CNTNAP2: variants seen among roughly 807,000 people sequenced by gnomAD.
The protein encoded by CNTNAP2 is contactin-associated protein-like 2.
Under a neutral mutation model 155.2 loss-of-function variants are expected in CNTNAP2, and 98 were observed. The ratio of observed to expected loss-of-function variants is 0.63; its 90% CI spans 0.54 to 0.75. The LOEUF (loss-of-function observed/expected upper bound fraction) is 0.75. Ranked by LOEUF, CNTNAP2 falls within the 30% of genes least tolerant of loss-of-function variation. The pLI is 0.00. For synonymous variants in CNTNAP2, 651 were observed against 631.2 expected, an observed-to-expected ratio of 1.03 and a Z score of -0.47; for missense variants, 1,727 against 1,688.1, an observed-to-expected ratio of 1.02 and a Z score of -0.40.
chr7:146,898,509 A>T (rs879810543), intron 3 of CNTNAP2, among the ~76,000 whole-genome samples: 3 of 135,702 alleles, frequency 2.2e-5, no homozygotes, highest in Admixed American at 7.1e-5. Context: ...TAATAATAAT[A>T]AAAAAAAAAA....
chr7:148,283,255 A>AAGAAAAG (rs1797007935), intron 21 of CNTNAP2, among the ~76,000 whole-genome samples: 3 of 63,634 alleles, frequency 4.7e-5, no homozygotes, highest in African/African-American at 6.0e-5. Context: ...AAAAAAAAAA[A>AAGAAAAG]AAAGAAAGAA....
chr7:147,862,957 T>G (rs1414526534), intron 13 of CNTNAP2, among the ~76,000 whole-genome samples: 2 of 152,050 alleles, frequency 1.3e-5, no homozygotes, highest in Non-Finnish European at 2.9e-5. Context: ...ATATTTTAAG[T>G]TCTAGGGTAC....
At chr7:147,512,509 A>G (rs1919188) in intron 11 of CNTNAP2, among the ~76,000 whole-genome samples, 108,311 of 151,950 alleles carry the variant, frequency 0.71, 38,666 homozygotes, top group South Asian at 0.77. Flanking sequence ...ACTTTCATAC[A>G]TCATTTTTTC....
chr7:146,827,366 A>G (rs1313857718), intron 2 of CNTNAP2, among the ~76,000 whole-genome samples: 1 of 152,030 alleles, frequency 6.6e-6, no homozygotes, highest in Non-Finnish European at 1.5e-5. Context: ...CTTCCCTCTA[A>G]TAGAGGGGCA....
chr7:147,734,061 T>G (rs112019297), intron 13 of CNTNAP2, among the ~76,000 whole-genome samples: 56,252 of 152,174 alleles, frequency 0.37, 11,983 homozygotes, highest in African/African-American at 0.58. Flanking sequence ...TGTTCAATAG[T>G]AGTGGTGAGA....
intron 14 of CNTNAP2, among the ~76,000 whole-genome samples, chr7:147,943,046 A>G (rs1800754577): frequency 6.6e-6 from 1 of 152,002 alleles, no homozygotes; most frequent in Non-Finnish European, 1.5e-5. Flanking sequence ...CAAAAAAAAA[A>G]AAATCCCCGC....
chr7:148,116,847 A>G (rs1020415308), intron 15 of CNTNAP2, among the ~76,000 whole-genome samples: 2 of 152,218 alleles, frequency 1.3e-5, no homozygotes, highest in Non-Finnish European at 2.9e-5. Context: ...CACTTAGTTG[A>G]TTCATTGTGC....
intron 2 of CNTNAP2, among the ~76,000 whole-genome samples, chr7:146,797,743 A>C (rs1802796929): frequency 6.6e-6 from 1 of 152,236 alleles, no homozygotes; most frequent in African/African-American, 2.4e-5. Flanking sequence ...AGGAAGGTTT[A>C]GTTCTCACTA....
At chr7:146,780,012 T>C (rs188261450) in intron 2 of CNTNAP2, among the ~76,000 whole-genome samples, 1 of 152,338 alleles carries the variant, frequency 6.6e-6, no homozygotes, top group African/African-American at 2.4e-5. Flanking sequence ...GAATGATTTA[T>C]AATCCTTTGG....
chr7:148,340,235 C>A (rs1317958264), intron 21 of CNTNAP2, among the ~76,000 whole-genome samples: 1 of 152,048 alleles, frequency 6.6e-6, no homozygotes, highest in Non-Finnish European at 1.5e-5. Flanking sequence ...TAGACACACC[C>A]CAAAAGTATC....
At chr7:146,427,301 G>A (rs1421897111) in intron 1 of CNTNAP2, among the ~76,000 whole-genome samples, 1 of 152,156 alleles carries the variant, frequency 6.6e-6, no homozygotes, top group Non-Finnish European at 1.5e-5. Context: ...TTTTGGGAAA[G>A]AGCCAGATAG....
intron 14 of CNTNAP2, among the ~76,000 whole-genome samples, chr7:147,969,135 G>A (rs977491366): frequency 6.6e-6 from 1 of 152,162 alleles, no homozygotes. Flanking sequence ...CTGAAGCCTC[G>A]ACTTCCTAGG....
intron 13 of CNTNAP2, among the ~76,000 whole-genome samples, chr7:147,654,321 A>T (rs1795493436): frequency 6.6e-6 from 1 of 152,252 alleles, no homozygotes; most frequent in African/African-American, 2.4e-5. Flanking sequence ...GTTTAAATAT[A>T]GGTGTTAGCA....
chr7:146,721,562 C>CTATATATATTCTATATACATTCTA (rs1477783494), intron 1 of CNTNAP2, among the ~76,000 whole-genome samples: 5 of 113,126 alleles, frequency 4.4e-5, no homozygotes, highest in South Asian at 2.6e-4. Flanking sequence ...TATATACATT[C>CTATATATATTCTATATACATTCTA]TATATATATT....
rs1212154323 is a variant in CNTNAP2 at position 148,413,399 on chromosome 7, A to AAAAAAAT, written c.3797-2015_3797-2014insAAATAAA. On this transcript the variant is annotated intron_variant, in intron 23 of 23. Coordinates refer to ENST00000361727, the MANE Select transcript of CNTNAP2 (RefSeq NM_014141.6). Reference sequence around the variant, plus strand: ...AAGAGTGAAACTCCGTCTCAAAAAAAAAATATATATATATATATATATATA... The same window carrying AAAAAAAT: ...AAGAGTGAAACTCCGTCTCAAAAAAAAAAAAATAAATATATATATATATATATATATA... Among the ~76,000 whole-genome samples, 59 of 48,570 alleles carry AAAAAAAT rather than the reference A, an allele frequency of 1.2e-3. 6 individuals are homozygous for AAAAAAAT. Among genetic ancestry groups the AAAAAAAT allele is most frequent in the African/African-American group, 7.2e-3 (54 of 7,544 alleles). 31.9% of individuals were successfully genotyped at this position (48,570 alleles called of 152,430 possible). A position where few individuals can be genotyped will look rare whatever the true frequency, so the allele number is the denominator to read the frequency against.
intron 21 of CNTNAP2, among the ~76,000 whole-genome samples, chr7:148,357,908 GA>G (rs1292867432): frequency 6.6e-6 from 1 of 152,126 alleles, no homozygotes; most frequent in African/African-American, 2.4e-5. Context: ...GTGTAACTAG[GA>G]AAAACACATG....
intron 15 of CNTNAP2, among the ~76,000 whole-genome samples, chr7:148,107,147 T>C (rs1585128971): frequency 6.6e-6 from 1 of 152,152 alleles, no homozygotes; most frequent in Non-Finnish European, 1.5e-5. Flanking sequence ...AATTACCTCA[T>C]AAGTACCCTT....
chr7:146,191,029 G>A (rs957850510), intron 1 of CNTNAP2, among the ~76,000 whole-genome samples: 1 of 152,106 alleles, frequency 6.6e-6, no homozygotes, highest in South Asian at 2.1e-4. Flanking sequence ...CATAATGTAG[G>A]TATTATGTGT....
chr7:147,883,789 A>G (rs1799562398), intron 13 of CNTNAP2, among the ~76,000 whole-genome samples: 1 of 152,174 alleles, frequency 6.6e-6, no homozygotes, highest in Non-Finnish European at 1.5e-5. Flanking sequence ...GATATGAAAA[A>G]AGAAATAGAA....
Sources: gnomAD v4.1 joint callset for allele counts (sites outside exome capture counted in the v4.1 genomes callset) on GRCh38, gnomAD v4.1.1 for gene constraint, MANE v1.5 for transcripts, NCBI Gene and HGNC (gene_info 2026-07-23, HGNC 2026-07-21) for gene names.